The following ROS1 variants were observed in gnomAD, a reference collection of about 807,000 sequenced individuals.
The protein encoded by ROS1 is proto-oncogene tyrosine-protein kinase ROS.
Under a neutral mutation model 273.5 loss-of-function variants are expected in ROS1, and 263 were observed. The ratio of observed to expected loss-of-function variants is 0.96; its 90% confidence interval spans 0.87 to 1.06. The LOEUF is 1.06. Among genes scored for constraint, ROS1 ranks in the 50% least tolerant of loss-of-function variants. The pLI, the probability that ROS1 is intolerant of heterozygous loss-of-function variation, is 0.00. For missense variants in ROS1, 2,833 were observed against 2,751.1 expected (o/e 1.03, Z -0.67); for synonymous variants, 1,008 against 954.1 (o/e 1.06, Z -1.04).
At chr6:117,294,972 T>C (rs572320153) in intron 43 of ROS1, among the ~76,000 whole-genome samples, 123 of 152,200 alleles carry the variant, frequency 8.1e-4, no homozygotes, top group African/African-American at 2.7e-3. Flanking sequence ...AAAATTTATA[T>C]AGAACCACAA....
chr6:117,303,089 G>A (rs75714781), intron 42 of ROS1, among the ~76,000 whole-genome samples: 5,568 of 152,148 alleles, frequency 0.037, 141 homozygotes, highest in East Asian at 0.073. Flanking sequence ...ACATTAACAA[G>A]GAGCTAAAGG....
intron 27 of ROS1, among the ~76,000 whole-genome samples, chr6:117,346,265 TA>T (rs994854427): frequency 1.3e-4 from 20 of 152,248 alleles, no homozygotes; most frequent in African/African-American, 4.8e-4. Context: ...TTTTTTTTTT[TA>T]TCCCATACAT....
chr6:117,340,727 T>G (rs1219769299), intron 31 of ROS1, among the ~76,000 whole-genome samples: 1 of 152,162 alleles, frequency 6.6e-6, no homozygotes, highest in African/African-American at 2.4e-5. Context: ...TACTTCTCTC[T>G]TGTTACTGCA....
chr6:117,394,489 T>C (rs933613018), intron 10 of ROS1, 127 bp downstream of exon 10: 85 of 835,798 alleles, frequency 1.0e-4, no homozygotes, highest in Non-Finnish European at 1.4e-4. Flanking sequence ...TTCTAAATTA[T>C]TCTAATATAT....
At chr6:117,309,003 T>C in intron 41 of ROS1, 75 bp from the exon 42 acceptor site, 1 of 1,445,972 alleles carries the variant, frequency 6.9e-7, no homozygotes, top group East Asian at 2.3e-5. Context: ...TCCAACAACA[T>C]TTTTCCTGGG....
At position 117,396,320 on chromosome 6, in the gene ROS1, G is replaced by A. The variant is rs561139684; in HGVS notation, c.807-56C>T. 3 of 1,191,456 alleles carry A rather than the reference G, an allele frequency of 2.5e-6. No homozygotes were observed. In the South Asian group the frequency reaches 3.7e-5, roughly 15 times the overall value. 73.8% of individuals were successfully genotyped at this position (1,191,456 alleles called of 1,614,324 possible). A position where few individuals can be genotyped will look rare whatever the true frequency, so the allele number is the denominator to read the frequency against. The stretch of plus-strand genomic sequence containing the variant: ...TTCACATGGCATGGTGTGAACATGA[G>A]ATAAAAATAGAAGGAGCAATAACAT... On this transcript the variant is annotated intron_variant, in intron 8 of 43. Coordinates refer to ENST00000368507, the MANE Select transcript of ROS1 (RefSeq NM_001378902.1).
At position 117,382,740 on chromosome 6, in the gene ROS1, G is replaced by A. The variant is rs182371882; in HGVS notation, c.2481+577C>T. On this transcript the variant is annotated intron_variant, in intron 17 of 43. Coordinates refer to ENST00000368507, the MANE Select transcript of ROS1 (RefSeq NM_001378902.1). The stretch of plus-strand genomic sequence containing the variant: ...GTAATAATAATATGAGCTTAACTAC[G>A]GAGCATTTACTTTGTACCTGGAACT... Among the ~76,000 whole-genome samples the A allele has an allele frequency of 6.6e-5, 10 of 152,028 alleles. No individual in the cohort carries two copies. In the East Asian group the frequency reaches 7.7e-4, roughly 12 times the overall value.
intron 17 of ROS1, among the ~76,000 whole-genome samples, chr6:117,381,271 T>C (rs1772120211): frequency 1.3e-5 from 2 of 151,640 alleles, no homozygotes; most frequent in Non-Finnish European, 2.9e-5. Flanking sequence ...GTACAGGTAG[T>C]TTTTGGTCAC....
chr6:117,373,341 G>A (rs1270800273), intron 18 of ROS1, among the ~76,000 whole-genome samples: 1 of 152,248 alleles, frequency 6.6e-6, no homozygotes, highest in East Asian at 1.9e-4. Context: ...GGAGCAGGGG[G>A]CGGCACCCAT....
chr6:117,292,422 A>G (rs1347140974), intron 43 of ROS1, among the ~76,000 whole-genome samples: 1 of 152,156 alleles, frequency 6.6e-6, no homozygotes, highest in Admixed American at 6.5e-5. Context: ...TTTCCTTTCT[A>G]AGCCTCTCTC....
intron 36 of ROS1, among the ~76,000 whole-genome samples, chr6:117,320,437 T>A (rs1473829201): frequency 2.0e-5 from 3 of 152,132 alleles, no homozygotes; most frequent in Admixed American, 6.6e-5. Context: ...ATTTCACACA[T>A]GTGACATCTT....
intron 5 of ROS1, 121 bp downstream of exon 5, chr6:117,409,461 T>C: frequency 1.4e-6 from 1 of 726,786 alleles, no homozygotes; most frequent in Non-Finnish European, 2.5e-6. Context: ...AAATAGATAT[T>C]TTTGATCATA....
At chr6:117,332,196 T>C (rs924523987) in intron 32 of ROS1, among the ~76,000 whole-genome samples, 1 of 148,538 alleles carries the variant, frequency 6.7e-6, no homozygotes, top group Non-Finnish European at 1.5e-5. Flanking sequence ...GTTGCAATCC[T>C]AGTCTCTGAC....
chr6:117,341,716 T>A, intron 29 of ROS1, 84 bp from the exon 30 acceptor site: 1 of 979,028 alleles, frequency 1.0e-6, no homozygotes, highest in Non-Finnish European at 1.6e-6. Flanking sequence ...GGTTGAAGAG[T>A]AATCATGTGG....
At chr6:117,326,945 A>T (rs547363879) in intron 33 of ROS1, among the ~76,000 whole-genome samples, 1 of 152,284 alleles carries the variant, frequency 6.6e-6, no homozygotes, top group South Asian at 2.1e-4. Context: ...CCTCAAAGTC[A>T]ATCCAATTGT....
intron 1 of ROS1, among the ~76,000 whole-genome samples, chr6:117,419,286 C>T (rs949950127): frequency 6.6e-6 from 1 of 152,160 alleles, no homozygotes; most frequent in African/African-American, 2.4e-5. Flanking sequence ...GGAGTAAATC[C>T]ATTAATTCAA....
chr6:117,409,117 T>C (rs1774676558), intron 5 of ROS1, among the ~76,000 whole-genome samples: 1 of 151,384 alleles, frequency 6.6e-6, no homozygotes, highest in Non-Finnish European at 1.5e-5. Flanking sequence ...TAATGTTAAA[T>C]GATGAGTTAA....
intron 43 of ROS1, among the ~76,000 whole-genome samples, chr6:117,295,970 C>G (rs1282072023): frequency 1.3e-5 from 2 of 152,184 alleles, no homozygotes; most frequent in African/African-American, 4.8e-5. Context: ...CCATTTGATT[C>G]AGCAATCCCA....
chr6:117,420,257 C>T (rs1013123030), intron 1 of ROS1, among the ~76,000 whole-genome samples: 7 of 151,716 alleles, frequency 4.6e-5, no homozygotes, highest in African/African-American at 1.5e-4. Flanking sequence ...TTAGGATCCC[C>T]GCTGGTTTGC....
Sources: gnomAD v4.1 joint callset for allele counts (sites outside exome capture counted in the v4.1 genomes callset) on GRCh38, gnomAD v4.1.1 for gene constraint, MANE v1.5 for transcripts, NCBI Gene and HGNC (gene_info 2026-07-23, HGNC 2026-07-21) for gene names.